Variants in GRM8 observed in about 807,000 individuals in gnomAD.
GRM8 encodes the protein metabotropic glutamate receptor 8.
In GRM8, 47 loss-of-function variants were observed where a neutral mutation model predicts 87.2. That is an observed-to-expected ratio of 0.54 (90% CI 0.43 to 0.69). GRM8 has a LOEUF of 0.69. Among genes scored for constraint, GRM8 ranks in the 30% least tolerant of loss-of-function variants. The pLI is 0.00. For synonymous variants in GRM8, 396 were observed against 404.5 expected, an observed-to-expected ratio of 0.98 and a Z score of 0.25; for missense variants, 1,019 against 1,139.2, an observed-to-expected ratio of 0.89 and a Z score of 1.52.
At chr7:126,501,578 T>G (rs1326804864) in intron 9 of GRM8, among the ~76,000 whole-genome samples, 1 of 152,034 alleles carries the variant, frequency 6.6e-6, no homozygotes, top group Non-Finnish European at 1.5e-5. Context: ...GTGGCAGAGA[T>G]AATATTTCTT....
At chr7:126,591,179 G>A (rs1174288474) in intron 8 of GRM8, among the ~76,000 whole-genome samples, 1 of 151,888 alleles carries the variant, frequency 6.6e-6, no homozygotes, top group Non-Finnish European at 1.5e-5. Context: ...TAAAGAGGTG[G>A]AAAAAGACAT....
At chr7:126,693,193 C>T (rs948599453) in intron 7 of GRM8, among the ~76,000 whole-genome samples, 1 of 152,158 alleles carries the variant, frequency 6.6e-6, no homozygotes, top group South Asian at 2.1e-4. Flanking sequence ...AAAGAATCTA[C>T]TAATTTGCTT....
intron 7 of GRM8, among the ~76,000 whole-genome samples, chr7:126,712,641 C>A (rs1811225285): frequency 6.6e-6 from 1 of 152,126 alleles, no homozygotes; most frequent in Non-Finnish European, 1.5e-5. Flanking sequence ...GCAAAGGAAA[C>A]TATCATCAGA....
chr7:126,904,487 G>A, intron 4 of GRM8, 61 bp downstream of exon 4: 1 of 1,480,566 alleles, frequency 6.8e-7, no homozygotes. Context: ...CATGAAATAT[G>A]TTAGAAAGAG....
At chr7:127,154,928 G>A (rs1187872819) in intron 2 of GRM8, among the ~76,000 whole-genome samples, 1 of 152,050 alleles carries the variant, frequency 6.6e-6, no homozygotes, top group Admixed American at 6.6e-5. Context: ...AAGACATGCG[G>A]GTTATGGAAA....
At chr7:126,482,251 A>G (rs919074941) in intron 9 of GRM8, among the ~76,000 whole-genome samples, 1 of 152,046 alleles carries the variant, frequency 6.6e-6, no homozygotes, top group Non-Finnish European at 1.5e-5. Context: ...GCAGTTCCTC[A>G]TAAAATTAAA....
intron 2 of GRM8, among the ~76,000 whole-genome samples, chr7:127,192,431 T>C (rs991155106): frequency 5.9e-5 from 9 of 152,198 alleles, no homozygotes; most frequent in African/African-American, 2.2e-4. Context: ...TTCTGGGAGA[T>C]ACTGCAATTT....
At chr7:126,992,342 T>C (rs1324382162) in intron 3 of GRM8, among the ~76,000 whole-genome samples, 1 of 151,850 alleles carries the variant, frequency 6.6e-6, no homozygotes, top group African/African-American at 2.4e-5. Flanking sequence ...TCAGAAAGAG[T>C]GTATTGTGCA....
chr7:126,666,407 A>G (rs918429371), intron 7 of GRM8, among the ~76,000 whole-genome samples: 1 of 152,224 alleles, frequency 6.6e-6, no homozygotes, highest in African/African-American at 2.4e-5. Context: ...ACAATTTCAC[A>G]GGGAGAAACT....
intron 7 of GRM8, among the ~76,000 whole-genome samples, chr7:126,614,786 C>T (rs980239493): frequency 1.2e-4 from 18 of 152,008 alleles, no homozygotes; most frequent in African/African-American, 4.4e-4. Flanking sequence ...GATTGAAGAT[C>T]AAATGAATGC....
chr7:126,470,476 T>G (rs1371515710), intron 9 of GRM8, among the ~76,000 whole-genome samples: 6 of 151,786 alleles, frequency 4.0e-5, no homozygotes, highest in Admixed American at 2.6e-4. Context: ...TTACTGAGAA[T>G]GATGATTTCC....
At chr7:127,065,445 G>A (rs1821012147) in intron 3 of GRM8, among the ~76,000 whole-genome samples, 1 of 152,132 alleles carries the variant, frequency 6.6e-6, no homozygotes, top group South Asian at 2.1e-4. Flanking sequence ...TGATGAAATA[G>A]TATGTACAAC....
chr7:127,225,324 G>T (rs1379282884), intron 2 of GRM8, among the ~76,000 whole-genome samples: 1 of 152,168 alleles, frequency 6.6e-6, no homozygotes, highest in Non-Finnish European at 1.5e-5. Flanking sequence ...CTCAAAGCCC[G>T]CAGGCTGACC....
intron 6 of GRM8, among the ~76,000 whole-genome samples, chr7:126,778,861 G>A (rs981812392): frequency 6.6e-6 from 1 of 151,466 alleles, no homozygotes; most frequent in South Asian, 2.1e-4. Flanking sequence ...AATTACAAAA[G>A]TAATACATAT....
chr7:126,480,259 C>G (rs978970650), intron 9 of GRM8, among the ~76,000 whole-genome samples: 2 of 152,168 alleles, frequency 1.3e-5, no homozygotes, highest in South Asian at 2.1e-4. Flanking sequence ...GGGGCGCACG[C>G]CTGTAGTCCC....
At chr7:126,480,464 T>C (rs907427006) in intron 9 of GRM8, among the ~76,000 whole-genome samples, 2 of 152,110 alleles carry the variant, frequency 1.3e-5, no homozygotes, top group African/African-American at 4.8e-5. Context: ...AAATCAGTTG[T>C]ACACAAAAAC....
At position 127,079,932 on chromosome 7, in the gene GRM8, A is replaced by G. The variant is rs150349521; in HGVS notation, c.727+26564T>C. Among the ~76,000 whole-genome samples, 35 of 152,304 alleles carry G rather than the reference A, an allele frequency of 2.3e-4. No homozygotes were observed. In the East Asian group the frequency reaches 6.8e-3, roughly 29 times the overall value. ...CTTTGGAGGAACATAAACGATTGTA[A>G]CACCTAAGATTATTTTTGTCCCTGT... On this transcript the variant is annotated intron_variant, in intron 3 of 10. Coordinates refer to ENST00000339582, the MANE Select transcript of GRM8 (RefSeq NM_000845.3).
At chr7:127,118,801 C>G (rs1207561082) in intron 2 of GRM8, among the ~76,000 whole-genome samples, 1 of 152,102 alleles carries the variant, frequency 6.6e-6, no homozygotes, top group African/African-American at 2.4e-5. Flanking sequence ...AGCTTTTTTT[C>G]CCACAGGTGT....
chr7:127,203,344 T>C (rs978750593), intron 2 of GRM8, among the ~76,000 whole-genome samples: 6 of 152,114 alleles, frequency 3.9e-5, no homozygotes, highest in African/African-American at 1.2e-4. Context: ...GGATAACAGA[T>C]TCAATCACAC....
Sources: gnomAD v4.1 joint callset for allele counts (sites outside exome capture counted in the v4.1 genomes callset) on GRCh38, gnomAD v4.1.1 for gene constraint, MANE v1.5 for transcripts, NCBI Gene and HGNC (gene_info 2026-07-23, HGNC 2026-07-21) for gene names.